ZNF208: variants seen among roughly 807,000 people sequenced by gnomAD.
ZNF208 encodes zinc finger protein 208, also known as zinc finger protein 95.
A neutral mutation model predicts 12.1 loss-of-function variants in ZNF208; 10 were observed. The observed-to-expected ratio is 0.83, with a 90% CI of 0.51 to 1.40. The LOEUF (loss-of-function observed/expected upper bound fraction) is 1.40. Ranked by LOEUF, ZNF208 falls within the 40% of genes most tolerant of loss-of-function variation. The pLI is 0.00. For synonymous variants in ZNF208, 497 were observed against 488.4 expected, an observed-to-expected ratio of 1.02 and a Z score of -0.23; for missense variants, 1,652 against 1,485.0, an observed-to-expected ratio of 1.11 and a Z score of -1.85.
intron 1 of ZNF208, among the ~76,000 whole-genome samples, chr19:22,003,892 T>C (rs1234924561): frequency 6.6e-6 from 1 of 152,094 alleles, no homozygotes; most frequent in African/African-American, 2.4e-5. Context: ...ATAGTATGGT[T>C]GGGCATGTTG....
downstream of ZNF208, among the ~76,000 whole-genome samples, chr19:21,961,446 G>A (rs558879473): frequency 2.0e-5 from 3 of 152,258 alleles, no homozygotes; most frequent in Non-Finnish European, 2.9e-5. Flanking sequence ...TAGCATTACT[G>A]ATGAGGGTCT....
intron 4 of ZNF208, among the ~76,000 whole-genome samples, chr19:21,944,561 C>T (rs1969788345): frequency 6.6e-6 from 1 of 151,942 alleles, no homozygotes; most frequent in African/African-American, 2.4e-5. Context: ...ATTATTTAGA[C>T]AAGACTTTCA....
chr19:21,953,898 G>C (rs1385446947), intron 4 of ZNF208, among the ~76,000 whole-genome samples: 1 of 152,128 alleles, frequency 6.6e-6, no homozygotes, highest in Admixed American at 6.5e-5. Context: ...GTTTGCTCAT[G>C]CTTCTCTAGT....
intron 4 of ZNF208, among the ~76,000 whole-genome samples, chr19:21,952,039 C>T (rs901823014): frequency 6.6e-6 from 1 of 152,232 alleles, no homozygotes; most frequent in African/African-American, 2.4e-5. Flanking sequence ...CAGAGCCTTG[C>T]TCACTGCTAG....
intron 4 of ZNF208, among the ~76,000 whole-genome samples, chr19:21,953,426 C>A (rs1969924213): frequency 2.0e-5 from 3 of 151,982 alleles, no homozygotes; most frequent in Non-Finnish European, 4.4e-5. Context: ...GTCAGGTTAC[C>A]CCCAAAAGGA....
rs372107580 is a variant in ZNF208, at chr19:21,994,656, C to CA, written c.4-5748dup. ...TTATATTACATACTAATAAGCAATT[C>CA]AAAAAAAAATCCCTTAAGGTTTTCT... On this transcript the variant is annotated intron_variant, in intron 1 of 3. Coordinates refer to ENST00000397126, the MANE Select transcript of ZNF208 (RefSeq NM_007153.3). Among the ~76,000 whole-genome samples the CA allele has an allele frequency of 9.8e-3, 1,455 of 148,828 alleles. 23 individuals are homozygous for CA. The highest frequency in any genetic ancestry group is 0.032 in the African/African-American group (1,310 of 40,626).
intron 4 of ZNF208, among the ~76,000 whole-genome samples, chr19:21,942,095 A>G (rs1969751053): frequency 6.6e-6 from 1 of 152,202 alleles, no homozygotes; most frequent in African/African-American, 2.4e-5. Context: ...ATAAAATGAC[A>G]AAATAGTAAA....
At chr19:21,955,762 G>T (rs1443216536) in intron 4 of ZNF208, among the ~76,000 whole-genome samples, 1 of 152,134 alleles carries the variant, frequency 6.6e-6, no homozygotes, top group African/African-American at 2.4e-5. Context: ...GCTTCATTGA[G>T]ATGGGTTCGA....
In ZNF208 at chr19:21,973,633, G is replaced by A. The variant is rs1970356950; in HGVS notation, c.1401C>T (p.Ile467=). The change falls in exon 4 of 4, where the codon ATC becomes ATT. Residue 467 remains isoleucine, a synonymous_variant. Coordinates refer to ENST00000397126, the MANE Select transcript of ZNF208 (RefSeq NM_007153.3). ...TATGAATTACCTTATGTTTAGTAAG[G>A]ATTGAGAACATACTAAAGCCTTTGC... ...ECGKGFSMFS[I]LTKHKVIHNG... The A allele has an allele frequency of 6.2e-7, 1 of 1,610,478 alleles. No homozygotes were observed. The highest frequency in any genetic ancestry group is 1.7e-5 in the Admixed American group (1 of 59,700).
intron 4 of ZNF208, among the ~76,000 whole-genome samples, chr19:21,955,051 T>C (rs1969950769): frequency 1.3e-5 from 2 of 152,368 alleles, no homozygotes; most frequent in African/African-American, 4.8e-5. Flanking sequence ...TCTCAGCATT[T>C]GCTTATCTGT....
Position 21,948,513 on chromosome 19 carries a change from C to A in ZNF208, c.306-15276G>T, listed in dbSNP as rs546120310. On this transcript the variant is annotated intron_variant, in intron 4 of 4. Transcript: ENST00000599916. The stretch of plus-strand genomic sequence containing the variant: ...TGGGCCCCCAATACCCATATATCAT[C>A]AGCTCCTCTGGTTGTGCCACTGAAG... Among the ~76,000 whole-genome samples the A allele has an allele frequency of 3.3e-5, 5 of 152,284 alleles. No individual in the cohort carries two copies. In the South Asian group the frequency reaches 1.0e-3, roughly 32 times the overall value.
intron 4 of ZNF208, among the ~76,000 whole-genome samples, chr19:21,956,749 G>A (rs1969985192): frequency 6.6e-6 from 1 of 152,166 alleles, no homozygotes; most frequent in South Asian, 2.1e-4. Flanking sequence ...AGCTTCCCTT[G>A]GCTAGGAAAG....
At position 21,980,742 on chromosome 19, in the gene ZNF208, C is replaced by CA. The variant is rs1261702742; in HGVS notation, c.227-5936dup. Among the ~76,000 whole-genome samples the CA allele has an allele frequency of 4.6e-5, 7 of 151,938 alleles. No individual in the cohort carries two copies. The South Asian group carries it at 6.3e-4, about 14-fold the overall frequency. ...AGAGCAGAACTGAAGGAGATAGACACAAAAAATCCTTCAAAAAAATCAATG... is the reference window on the plus strand; with the variant it reads ...AGAGCAGAACTGAAGGAGATAGACACAAAAAAATCCTTCAAAAAAATCAATG... On this transcript the variant is annotated intron_variant, in intron 3 of 3. Coordinates refer to ENST00000397126, the MANE Select transcript of ZNF208 (RefSeq NM_007153.3).
intron 1 of ZNF208, among the ~76,000 whole-genome samples, chr19:21,994,827 GT>G (rs1970801025): frequency 1.3e-5 from 2 of 151,598 alleles, no homozygotes. Context: ...AGCCCAAGTT[GT>G]TTTTTGTACA....
intron 2 of ZNF208, 89 bp downstream of exon 2, chr19:21,988,694 T>G (rs1437326159): frequency 1.2e-6 from 2 of 1,604,972 alleles, no homozygotes; most frequent in East Asian, 4.5e-5. Context: ...TATTCTCACA[T>G]TCATCCTCCG....
chr19:22,009,805 G>T (rs1036612769), intron 1 of ZNF208, among the ~76,000 whole-genome samples: 2 of 151,514 alleles, frequency 1.3e-5, no homozygotes, highest in Non-Finnish European at 2.9e-5. Context: ...TACATTGGGG[G>T]AAAAAATTTC....
rs932252999 is a variant in ZNF208 at position 21,970,460 on chromosome 19, T to C, written c.*731A>G. Among the ~76,000 whole-genome samples, 1 of 152,186 alleles carries C rather than the reference T, an allele frequency of 6.6e-6. No homozygotes were observed. Among genetic ancestry groups the C allele is most frequent in the Non-Finnish European group, 1.5e-5 (1 of 68,028 alleles). On this transcript the variant is annotated 3_prime_UTR_variant, in exon 4 of 4. Coordinates refer to ENST00000397126, the MANE Select transcript of ZNF208 (RefSeq NM_007153.3). ...TGTAGGGTTTCCCTCCTGTACAAAT[T>C]CCCTTATGTTCAGTAAGCGTTGAGA...
At position 21,972,228 on chromosome 19, in the gene ZNF208, T is replaced by C. The variant is rs770356828; in HGVS notation, c.2806A>G (p.Lys936Glu). 5 of 1,613,612 alleles carry C rather than the reference T, an allele frequency of 3.1e-6. No individual in the cohort carries two copies. The South Asian group carries it at 4.4e-5, about 14-fold the overall frequency. ...FSWLSVFSKH[K>E]KTHAGEKFYK... is the part of the protein sequence containing the mutation. ...AATTTCTCTCCAGCATGAGTTTTCT[T>C]ATGTTTACTAAAGACTGACAACCAG... Residue 936 changes from lysine (K) to glutamate (E), a missense_variant, in exon 4 of 4, where the codon AAG becomes GAG. This residue lies in a region of ZNF208 where 1,239 missense variants were observed against 1,086.2 expected (regional missense o/e 1.14). Coordinates refer to ENST00000397126, the MANE Select transcript of ZNF208 (RefSeq NM_007153.3).
chr19:22,003,475 G>A (rs1275356047), intron 1 of ZNF208, among the ~76,000 whole-genome samples: 3 of 145,140 alleles, frequency 2.1e-5, no homozygotes, highest in Non-Finnish European at 4.5e-5. Context: ...ACTAAAACAA[G>A]TTTACAAGAA....
Sources: gnomAD v4.1 joint callset for allele counts (sites outside exome capture counted in the v4.1 genomes callset) on GRCh38, gnomAD v4.1.1 for gene constraint, gnomAD v4.1.1 regional missense constraint, MANE v1.5 for transcripts, NCBI Gene and HGNC (gene_info 2026-07-23, HGNC 2026-07-21) for gene names.